Variants in BRF1 observed in about 807,000 individuals in gnomAD.
The protein encoded by BRF1 is transcription factor IIIB 90 kDa subunit.
In BRF1, 59 loss-of-function variants were observed where a neutral mutation model predicts 81.7. The ratio of observed to expected loss-of-function variants is 0.72; its 90% confidence interval spans 0.59 to 0.90. The LOEUF (loss-of-function observed/expected upper bound fraction) is 0.90. Ranked by LOEUF, BRF1 falls within the 40% of genes least tolerant of loss-of-function variation. The pLI is 0.00. For synonymous variants in BRF1, 491 were observed against 395.6 expected, an observed-to-expected ratio of 1.24 and a Z score of -2.86; for missense variants, 1,050 against 936.3, an observed-to-expected ratio of 1.12 and a Z score of -1.58.
At chr14:105,283,165 G>A (rs895372894) in intron 2 of BRF1, among the ~76,000 whole-genome samples, 3 of 152,178 alleles carry the variant, frequency 2.0e-5, no homozygotes, top group African/African-American at 7.2e-5. Flanking sequence ...GGACATCACT[G>A]CCACAGCAGG....
intron 4 of BRF1, among the ~76,000 whole-genome samples, chr14:105,253,974 C>T (rs587670124): frequency 6.6e-6 from 1 of 152,318 alleles, no homozygotes; most frequent in African/African-American, 2.4e-5. Flanking sequence ...GTGTGACTCA[C>T]GCATGTCATG....
chr14:105,214,181 C>T (rs587643561), intron 15 of BRF1, among the ~76,000 whole-genome samples: 4 of 152,212 alleles, frequency 2.6e-5, no homozygotes, highest in African/African-American at 9.6e-5. Flanking sequence ...TGTAAGCAGG[C>T]AAGAGGGCAG....
intron 5 of BRF1, chr14:105,250,872 G>A: frequency 1.1e-5 from 7 of 620,738 alleles, no homozygotes; most frequent in African/African-American, 1.8e-5. Context: ...GGTACAGTGG[G>A]GTGCACGTCT....
At chr14:105,303,535 G>A (rs58129451), upstream of BRF1, among the ~76,000 whole-genome samples, 83 of 152,324 alleles carry the variant, frequency 5.4e-4, no homozygotes, top group African/African-American at 1.9e-3. Flanking sequence ...GAGCCATCGC[G>A]CCTGGCCTTT....
intron 5 of BRF1, among the ~76,000 whole-genome samples, chr14:105,251,588 C>T (rs1336221130): frequency 6.6e-6 from 1 of 152,190 alleles, no homozygotes; most frequent in Non-Finnish European, 1.5e-5. Flanking sequence ...TGGGAGAGGG[C>T]ATGGGCCGAG....
At chr14:105,281,232 T>C (rs1480095901) in intron 2 of BRF1, among the ~76,000 whole-genome samples, 1 of 143,070 alleles carries the variant, frequency 7.0e-6, no homozygotes, top group Non-Finnish European at 1.5e-5. Flanking sequence ...TGCGTGATCC[T>C]GAGCCCGGGT....
intron 1 of BRF1, among the ~76,000 whole-genome samples, chr14:105,299,792 A>G (rs1171224696): frequency 6.6e-6 from 1 of 152,256 alleles, no homozygotes; most frequent in African/African-American, 2.4e-5. Context: ...AGAATGCATA[A>G]TGGCACAGCC....
chr14:105,291,982 G>C (rs587774029), intron 1 of BRF1, among the ~76,000 whole-genome samples: 2 of 151,908 alleles, frequency 1.3e-5, no homozygotes, highest in African/African-American at 4.8e-5. Flanking sequence ...TGGGCAACAA[G>C]AGAGACACTC....
chr14:105,218,439 G>A (rs1404323987), intron 14 of BRF1, among the ~76,000 whole-genome samples: 3 of 152,194 alleles, frequency 2.0e-5, no homozygotes, highest in Non-Finnish European at 4.4e-5. Flanking sequence ...TGAGCGGGTA[G>A]GCCCCACATC....
At chr14:105,250,483 G>A (rs760425660) in intron 5 of BRF1, 6 of 1,614,036 alleles carry the variant, frequency 3.7e-6, no homozygotes, top group Non-Finnish European at 5.1e-6. Flanking sequence ...ACCCGGTCCA[G>A]GTTGAACAAG....
intron 10 of BRF1, among the ~76,000 whole-genome samples, chr14:105,224,627 C>T (rs587645465): frequency 1.3e-5 from 2 of 152,198 alleles, no homozygotes; most frequent in Non-Finnish European, 2.9e-5. Flanking sequence ...TAGCTCACTG[C>T]ACATCGAACT....
At chr14:105,288,960 C>T (rs2057416760) in intron 1 of BRF1, among the ~76,000 whole-genome samples, 1 of 145,440 alleles carries the variant, frequency 6.9e-6, no homozygotes, top group South Asian at 2.3e-4. Flanking sequence ...CACTAGAGCC[C>T]GGGAGGTCGA....
At chr14:105,275,734 T>C (rs919716080) in intron 2 of BRF1, among the ~76,000 whole-genome samples, 14 of 152,266 alleles carry the variant, frequency 9.2e-5, no homozygotes, top group Non-Finnish European at 2.9e-5. Context: ...GGTCAGAATG[T>C]CTGACTCCTA....
rs1437760479 is a variant in BRF1 at position 105,220,137 on chromosome 14, G to A, written c.1316-7C>T. The A allele has an allele frequency of 1.2e-6, 2 of 1,613,352 alleles. No homozygotes were observed. The highest frequency in any genetic ancestry group is 4.5e-5 in the East Asian group (2 of 44,860). ...CCGTCTCCTGAAGCATCTTCTGGAG[G>A]GAAGCACAGCATCCGCGTCACTCAG... is the stretch of plus-strand genomic sequence containing the variant. On this transcript the variant is annotated splice_region_variant and splice_polypyrimidine_tract_variant and intron_variant, in intron 11 of 17. Transcript: ENST00000547530.
At chr14:105,270,765 T>G (rs768589571) in intron 3 of BRF1, among the ~76,000 whole-genome samples, 2 of 150,678 alleles carry the variant, frequency 1.3e-5, no homozygotes, top group African/African-American at 2.4e-5. Flanking sequence ...CACTCCAGCC[T>G]GGGTGACAGA....
intron 12 of BRF1, 174 bp from the exon 13 acceptor site, chr14:105,219,406 C>G: frequency 7.2e-7 from 1 of 1,389,724 alleles, no homozygotes; most frequent in Non-Finnish European, 9.5e-7. Context: ...GAGTTGGGGA[C>G]CTGTTGCTCT....
At chr14:105,278,758 G>A (rs1318108758) in intron 2 of BRF1, among the ~76,000 whole-genome samples, 1 of 150,882 alleles carries the variant, frequency 6.6e-6, no homozygotes, top group Non-Finnish European at 1.5e-5. Flanking sequence ...AAAAAAAAAA[G>A]AATTGGCCGT....
In BRF1 at chr14:105,252,518, G is replaced by A. The variant is rs2055670000; in HGVS notation, c.533C>T (p.Ala178Val). Residue 178 changes from alanine (A) to valine (V), a missense_variant, in exon 5 of 18, where the codon GCG becomes GTG. Ala to Val is a moderately conservative substitution (Grantham distance 64). Coordinates refer to ENST00000547530, the MANE Select transcript of BRF1 (RefSeq NM_001519.4). The part of the protein sequence containing the change: ...LLLARELCIN[A>V]PAIDPCLYIP... ...ACCCAGATGCCTACCTATGGCCGGC[G>A]CATTGATGCAGAGCTCTCTTGCCAA... is the stretch of plus-strand genomic sequence containing the variant. 5 of 1,613,722 alleles carry A rather than the reference G, an allele frequency of 3.1e-6. No homozygotes were observed. Among genetic ancestry groups the A allele is most frequent in the African/African-American group, 1.3e-5 (1 of 75,032 alleles).
At chr14:105,312,842 G>A (rs1445402663) in intron 1 of BRF1, among the ~76,000 whole-genome samples, 2 of 152,184 alleles carry the variant, frequency 1.3e-5, no homozygotes, top group African/African-American at 4.8e-5. Flanking sequence ...GGTGTGTTTC[G>A]TGTCCCTGCT....
Sources: gnomAD v4.1 joint callset for allele counts (sites outside exome capture counted in the v4.1 genomes callset) on GRCh38, gnomAD v4.1.1 for gene constraint, MANE v1.5 for transcripts, NCBI Gene and HGNC (gene_info 2026-07-23, HGNC 2026-07-21) for gene names.